Variants in RAI2 observed in about 807,000 individuals in gnomAD.
The protein encoded by RAI2 is retinoic acid induced 2.
A neutral mutation model predicts 15.3 loss-of-function variants in RAI2; 5 were observed. The ratio of observed to expected loss-of-function variants is 0.33; its 90% CI spans 0.17 to 0.69. The LOEUF is 0.69. RAI2 is among the 30% of genes least tolerant of loss of function. RAI2 has a pLI of 0.69. For synonymous variants in RAI2, 191 were observed against 184.0 expected, an observed-to-expected ratio of 1.04 and a Z score of -0.31; for missense variants, 424 against 424.7, an observed-to-expected ratio of 1.00 and a Z score of 0.01.
At chrX:17,841,582 C>A (rs1395396998) in intron 1 of RAI2, among the ~76,000 whole-genome samples, 5 of 112,381 alleles carry the variant, frequency 4.4e-5, no homozygotes, top group Non-Finnish European at 9.4e-5. Flanking sequence ...AGGGACAATA[C>A]GTGTACAATA....
chrX:17,847,518 T>G (rs746610741), intron 1 of RAI2, among the ~76,000 whole-genome samples: 11 of 113,060 alleles, frequency 9.7e-5, no homozygotes, highest in African/African-American at 2.3e-4. Flanking sequence ...TTTTGCTGCC[T>G]CTGTTTCTTC....
chrX:17,807,591 A>C (rs61337604), intron 1 of RAI2, among the ~76,000 whole-genome samples: 1,917 of 111,363 alleles, frequency 0.017, 39 homozygotes, highest in African/African-American at 0.059. Flanking sequence ...TAAAACTTAC[A>C]CAAGGCCACT....
chrX:17,824,798 T>C (rs184234319), intron 1 of RAI2, among the ~76,000 whole-genome samples: 98 of 111,896 alleles, frequency 8.8e-4, no homozygotes, highest in African/African-American at 3.1e-3. Flanking sequence ...TTTGAGTCCA[T>C]CTTGAAGGCA....
At chrX:17,810,472 T>C (rs2067035868) in intron 1 of RAI2, among the ~76,000 whole-genome samples, 1 of 112,694 alleles carries the variant, frequency 8.9e-6, no homozygotes, top group Admixed American at 9.3e-5. Flanking sequence ...AGGACACACA[T>C]GAACTTTTCA....
intron 1 of RAI2, among the ~76,000 whole-genome samples, chrX:17,815,588 T>C (rs112423865): frequency 1.8e-3 from 203 of 111,436 alleles, no homozygotes; most frequent in African/African-American, 6.5e-3. Context: ...TTTCCAAAAG[T>C]GCAGGACAGA....
chrX:17,800,581 C>G lies in RAI2; in HGVS notation c.1430G>C (p.Gly477Ala). 1 of 1,211,176 alleles carries G rather than the reference C, an allele frequency of 8.3e-7. No homozygotes were observed. The highest frequency in any genetic ancestry group is 1.7e-5 in the African/African-American group (1 of 57,654). ...SFKREDSVLQGYDINSQGEES... is the reference protein window; with the variant it reads ...SFKREDSVLQAYDINSQGEES... Reference sequence around the variant, plus strand: ...TTCCCCTTGGCTGTTGATGTCATAGCCCTGAAGCACGGAGTCTTCTCTTTT... The same window carrying G: ...TTCCCCTTGGCTGTTGATGTCATAGGCCTGAAGCACGGAGTCTTCTCTTTT... The change falls in exon 2 of 2, where the codon GGC becomes GCC. Residue 477 changes from glycine (G) to alanine (A), a missense_variant. Physicochemically the swap from Gly to Ala is moderately conservative, Grantham distance 60. Transcript: ENST00000451717.
At chrX:17,809,573 A>G in intron 1 of RAI2, among the ~76,000 whole-genome samples, 1 of 111,532 alleles carries the variant, frequency 9.0e-6, no homozygotes, top group Middle Eastern at 4.6e-3. Context: ...GAAGGCATAT[A>G]AATCTAATTA....
Position 17,861,210 on chromosome X carries a change from C to G in RAI2, c.-137G>C, listed in dbSNP as rs1048249388. The stretch of plus-strand genomic sequence containing the variant: ...GAAGGGGGTGCGCCGCGGTGGGAGC[C>G]GCCGTCGCCGCTGTCACCGAGTCGC... On this transcript the variant is annotated 5_prime_UTR_variant, in exon 1 of 2. Transcript: ENST00000451717. The G allele has an allele frequency of 2.7e-5, 3 of 110,498 alleles. No homozygotes were observed. Among genetic ancestry groups the G allele is most frequent in the Admixed American group, 1.9e-4 (2 of 10,370 alleles). 9.1% of individuals were successfully genotyped at this position (110,498 alleles called of 1,213,427 possible). A position where few individuals can be genotyped will look rare whatever the true frequency, so the allele number is the denominator to read the frequency against.
At chrX:17,855,541 T>C (rs892813897) in intron 1 of RAI2, among the ~76,000 whole-genome samples, 1 of 111,632 alleles carries the variant, frequency 9.0e-6, no homozygotes, top group African/African-American at 3.3e-5. Flanking sequence ...ACGGGGAACC[T>C]CCATCATGGC....
chrX:17,845,352 G>A (rs747827475), intron 1 of RAI2, among the ~76,000 whole-genome samples: 8 of 112,362 alleles, frequency 7.1e-5, no homozygotes, highest in African/African-American at 2.6e-4. Context: ...ATTCCTCCTA[G>A]ACCACCCTCC....
chrX:17,827,845 G>A (rs6654027), intron 1 of RAI2, among the ~76,000 whole-genome samples: 1,138 of 111,794 alleles, frequency 0.01, 14 homozygotes, highest in African/African-American at 0.035. Flanking sequence ...CAGGCTGAGG[G>A]AAGGTGGGGA....
chrX:17,852,163 A>C (rs1018616278), intron 1 of RAI2, among the ~76,000 whole-genome samples: 21 of 111,647 alleles, frequency 1.9e-4, no homozygotes, highest in African/African-American at 6.2e-4. Context: ...CAAATCAATT[A>C]TTTATCCGCC....
rs2066908389 is a variant in RAI2, at chrX:17,801,407, G to T, written c.604C>A (p.Pro202Thr). Residue 202 changes from proline (P) to threonine (T), a missense_variant, in exon 2 of 2, where the codon CCC becomes ACC. Pro to Thr is a conservative substitution (Grantham distance 38). Transcript: ENST00000451717. ...FPSQGTLGPP[P>T]CQPPPGYAPV... ...GCATAGCCAGGAGGAGGCTGACAGG[G>T]TGGGGGCCCGAGAGTGCCCTGGGAG... 1.7e-6 allele frequency: 2 copies of T among 1,151,611 alleles called. No homozygotes were observed. Among genetic ancestry groups the T allele is most frequent in the South Asian group, 4.2e-5 (2 of 48,139 alleles). The allele number at this position is 1,151,611 out of a possible 1,213,427, so 94.9% of individuals were successfully genotyped here.
intron 1 of RAI2, among the ~76,000 whole-genome samples, chrX:17,804,503 A>G (rs1027061291): frequency 1.8e-5 from 2 of 112,254 alleles, no homozygotes; most frequent in Non-Finnish European, 3.8e-5. Flanking sequence ...ACCTAAGGCC[A>G]GATCCTTGTC....
intron 1 of RAI2, among the ~76,000 whole-genome samples, chrX:17,833,343 G>C (rs1395434500): frequency 9.0e-6 from 1 of 111,129 alleles, no homozygotes; most frequent in African/African-American, 3.3e-5. Context: ...CCAATGTGGT[G>C]AAACCCTGTC....
At chrX:17,849,204 A>C (rs757188886) in intron 1 of RAI2, among the ~76,000 whole-genome samples, 7 of 112,483 alleles carry the variant, frequency 6.2e-5, no homozygotes, top group Non-Finnish European at 1.3e-4. Flanking sequence ...GAGAGATGTA[A>C]AGTCTGCAGA....
chrX:17,843,596 C>A (rs1018290211), intron 1 of RAI2, among the ~76,000 whole-genome samples: 5 of 111,953 alleles, frequency 4.5e-5, no homozygotes, highest in Admixed American at 3.8e-4. Flanking sequence ...AGTATTAAAT[C>A]TAGAAATGAA....
At chrX:17,812,980 T>C (rs989709660) in intron 1 of RAI2, among the ~76,000 whole-genome samples, 1 of 111,392 alleles carries the variant, frequency 9.0e-6, no homozygotes, top group African/African-American at 3.3e-5. Flanking sequence ...CTACAATAGC[T>C]TGGTTGCAGG....
intron 1 of RAI2, among the ~76,000 whole-genome samples, chrX:17,834,147 T>C (rs1397061908): frequency 1.8e-5 from 2 of 112,042 alleles, no homozygotes; most frequent in East Asian, 5.6e-4. Context: ...CAGCCAGCTG[T>C]TTGCTGGATT....
Sources: gnomAD v4.1 joint callset for allele counts (sites outside exome capture counted in the v4.1 genomes callset) on GRCh38, gnomAD v4.1.1 for gene constraint, MANE v1.5 for transcripts, NCBI Gene and HGNC (gene_info 2026-07-23, HGNC 2026-07-21) for gene names.